RPS6KA2: variants seen among roughly 807,000 people sequenced by gnomAD.
RPS6KA2 encodes ribosomal protein S6 kinase A2, also known as ribosomal protein S6 kinase alpha-2.
RPS6KA2 carries 42 observed loss-of-function variants against 91.8 expected under a neutral mutation model. The observed-to-expected ratio is 0.46, with a 90% CI of 0.36 to 0.59. The LOEUF (loss-of-function observed/expected upper bound fraction) is 0.59, where lower values mean the gene tolerates loss of function less well. Ranked by LOEUF, RPS6KA2 falls within the 20% of genes least tolerant of loss-of-function variation. The probability of loss-of-function intolerance (pLI) is 0.00; values close to 1 mark genes in which losing one functional copy is unlikely to be tolerated. For missense variants in RPS6KA2, 798 were observed against 978.5 expected, an observed-to-expected ratio of 0.82 and a Z score of 2.46; for synonymous variants, 414 against 393.6, an observed-to-expected ratio of 1.05 and a Z score of -0.61.
At chr6:166,457,138 C>T (rs913474556) in intron 12 of RPS6KA2, among the ~76,000 whole-genome samples, 2 of 152,228 alleles carry the variant, frequency 1.3e-5, no homozygotes, top group African/African-American at 2.4e-5. Context: ...TGGCACCTCA[C>T]GAGGATGTGT....
intron 2 of RPS6KA2, among the ~76,000 whole-genome samples, chr6:166,534,946 C>T (rs1156834347): frequency 6.6e-6 from 1 of 152,228 alleles, no homozygotes; most frequent in Non-Finnish European, 1.5e-5. Context: ...TGGCAACTTG[C>T]TGGTCTGCGA....
Position 166,481,214 on chromosome 6 carries a change from CTT to C in RPS6KA2, c.907+7617_907+7618del, listed in dbSNP as rs1286905201. On this transcript the variant is annotated intron_variant, in intron 10 of 20. Coordinates refer to ENST00000265678, the MANE Select transcript of RPS6KA2 (RefSeq NM_021135.6). Reference sequence around the variant, plus strand: ...AGTTTAAAAGGCCAAGTCAAGTACTCTTATCAGAAATACAAGCATAGCTATAG... The same window carrying C: ...AGTTTAAAAGGCCAAGTCAAGTACTCATCAGAAATACAAGCATAGCTATAG... Among the ~76,000 whole-genome samples, 5 of 152,226 alleles carry C rather than the reference CTT, an allele frequency of 3.3e-5. No individual in the cohort carries two copies. The East Asian group carries it at 5.8e-4, about 18-fold the overall frequency.
intron 2 of RPS6KA2, among the ~76,000 whole-genome samples, chr6:166,716,927 C>T (rs1221591345): frequency 6.6e-6 from 1 of 152,178 alleles, no homozygotes; most frequent in Admixed American, 6.5e-5. Flanking sequence ...GACATGCATG[C>T]AAAGCATCAG....
intron 2 of RPS6KA2, among the ~76,000 whole-genome samples, chr6:166,794,331 C>T (rs1366258343): frequency 7.2e-5 from 11 of 151,842 alleles, no homozygotes; most frequent in Non-Finnish European, 1.0e-4. Context: ...GTTAGAATGG[C>T]GATCATTAAA....
intron 2 of RPS6KA2, among the ~76,000 whole-genome samples, chr6:166,668,062 T>C (rs1788368503): frequency 6.6e-6 from 1 of 152,074 alleles, no homozygotes; most frequent in African/African-American, 2.4e-5. Flanking sequence ...AAGCACTCAG[T>C]GTGCAGGGTG....
intron 1 of RPS6KA2, among the ~76,000 whole-genome samples, chr6:166,623,910 C>T (rs1034455019): frequency 2.0e-5 from 3 of 152,194 alleles, no homozygotes; most frequent in Non-Finnish European, 4.4e-5. Flanking sequence ...AATTAATAAA[C>T]TGTTTCCAAA....
chr6:166,839,381 C>T (rs889731682), intron 2 of RPS6KA2, among the ~76,000 whole-genome samples: 5 of 152,028 alleles, frequency 3.3e-5, no homozygotes, highest in Middle Eastern at 3.4e-3. Context: ...GCAGTGTCTA[C>T]GTGGCCTTTT....
chr6:166,450,946 C>T (rs1779891259), intron 13 of RPS6KA2, among the ~76,000 whole-genome samples, 157 bp downstream of exon 13: 1 of 152,202 alleles, frequency 6.6e-6, no homozygotes, highest in Admixed American at 6.5e-5. Context: ...ATGGCAGACA[C>T]TCAGAACAAT....
chr6:166,838,328 G>A (rs546679951), intron 2 of RPS6KA2, among the ~76,000 whole-genome samples: 1 of 152,318 alleles, frequency 6.6e-6, no homozygotes, highest in African/African-American at 2.4e-5. Context: ...TCTGGGGAAG[G>A]CAAGGATGAG....
chr6:166,628,309 C>T (rs1457345955), upstream of RPS6KA2, among the ~76,000 whole-genome samples: 1 of 152,110 alleles, frequency 6.6e-6, no homozygotes, highest in Non-Finnish European at 1.5e-5. Flanking sequence ...CTCTTGTGCA[C>T]GTGTTGAGTT....
intron 2 of RPS6KA2, among the ~76,000 whole-genome samples, chr6:166,654,550 C>T (rs919784826): frequency 3.3e-5 from 5 of 152,136 alleles, no homozygotes; most frequent in Non-Finnish European, 5.9e-5. Flanking sequence ...CCCCAGTTTC[C>T]CCCCAATATC....
chr6:166,822,392 G>T (rs917032226), intron 2 of RPS6KA2, among the ~76,000 whole-genome samples: 2 of 152,194 alleles, frequency 1.3e-5, no homozygotes. Flanking sequence ...CTTTGCTTGC[G>T]CAGAGAGACA....
chr6:166,632,116 G>C (rs899981325), upstream of RPS6KA2, among the ~76,000 whole-genome samples: 5 of 152,186 alleles, frequency 3.3e-5, no homozygotes, highest in Middle Eastern at 3.4e-3. Flanking sequence ...CAGCCCTGGG[G>C]AGTTTTTAGA....
intron 2 of RPS6KA2, among the ~76,000 whole-genome samples, chr6:166,705,017 G>T (rs1323937371): frequency 6.6e-6 from 1 of 152,214 alleles, no homozygotes; most frequent in African/African-American, 2.4e-5. Context: ...TTTTCTCAAA[G>T]CCTTGCTCTC....
intron 1 of RPS6KA2, 52 bp from the exon 2 acceptor site, chr6:166,538,836 C>T: frequency 2.2e-6 from 2 of 914,912 alleles, no homozygotes; most frequent in Non-Finnish European, 3.6e-6. Context: ...TCCCTCAGAG[C>T]CGCTCACAGC....
At chr6:166,552,248 C>T (rs1273819657) in intron 1 of RPS6KA2, among the ~76,000 whole-genome samples, 1 of 152,368 alleles carries the variant, frequency 6.6e-6, no homozygotes, top group African/African-American at 2.4e-5. Flanking sequence ...GCCTGCTTAT[C>T]CCCTCCTACC....
intron 1 of RPS6KA2, among the ~76,000 whole-genome samples, chr6:166,574,503 G>A (rs573204775): frequency 6.6e-6 from 1 of 152,298 alleles, no homozygotes; most frequent in African/African-American, 2.4e-5. Flanking sequence ...TTCTTTTTAT[G>A]GCTGTGTAGT....
At position 166,676,317 on chromosome 6, in the gene RPS6KA2, CAA is replaced by C. The variant is rs34321063; in HGVS notation, c.124-137535_124-137534del. 2.6e-3 allele frequency among the ~76,000 whole-genome samples: 335 copies of C among 127,296 alleles called. 1 individual carries two copies. The highest frequency in any genetic ancestry group is 8.8e-3 in the Middle Eastern group (2 of 228). 83.5% of individuals were successfully genotyped at this position (127,296 alleles called of 152,430 possible). A position where few individuals can be genotyped will look rare whatever the true frequency, so the allele number is the denominator to read the frequency against. Reference sequence around the variant, plus strand: ...ATGCAACAGACTTAAGACTCTGTCTCAAAAAAAAAAAAAAAAAATGTCCTGGG... The same window carrying C: ...ATGCAACAGACTTAAGACTCTGTCTCAAAAAAAAAAAAAAAATGTCCTGGG... On this transcript the variant is annotated intron_variant, in intron 2 of 21. Coordinates refer to the RPS6KA2 transcript ENST00000503859.
At chr6:166,604,988 A>C (rs988400232) in intron 1 of RPS6KA2, among the ~76,000 whole-genome samples, 2 of 152,076 alleles carry the variant, frequency 1.3e-5, no homozygotes, top group Non-Finnish European at 2.9e-5. Context: ...TTCCTATTTA[A>C]GTTTTAAAAT....
Sources: gnomAD v4.1 joint callset for allele counts (sites outside exome capture counted in the v4.1 genomes callset) on GRCh38, gnomAD v4.1.1 for gene constraint, MANE v1.5 for transcripts, NCBI Gene and HGNC (gene_info 2026-07-23, HGNC 2026-07-21) for gene names.